The following NDUFAF6 variants were observed in gnomAD, a reference collection of about 807,000 sequenced individuals.
NDUFAF6 encodes NADH dehydrogenase (ubiquinone) complex I, assembly factor 6.
Under a neutral mutation model 40.8 loss-of-function variants are expected in NDUFAF6, and 45 were observed. That is an observed-to-expected ratio of 1.10 (90% CI 0.87 to 1.42). The LOEUF is 1.42. Among genes scored for constraint, NDUFAF6 ranks in the 40% most tolerant of loss-of-function variants. NDUFAF6 has a pLI of 0.00. For synonymous variants in NDUFAF6, 185 were observed against 155.9 expected (o/e 1.19, Z -1.39); for missense variants, 435 against 418.5 (o/e 1.04, Z -0.34).
chr8:95,095,617 C>G (rs986322953), upstream of NDUFAF6, among the ~76,000 whole-genome samples: 2 of 152,068 alleles, frequency 1.3e-5, no homozygotes, highest in African/African-American at 2.4e-5. Flanking sequence ...CACTCCACCC[C>G]CATTAGCCAA....
At chr8:95,059,175 C>A (rs2132009483), downstream of NDUFAF6, among the ~76,000 whole-genome samples, 1 of 152,266 alleles carries the variant, frequency 6.6e-6, no homozygotes, top group Admixed American at 6.5e-5. Flanking sequence ...CAGGATTATG[C>A]CAGTTTCCTT....
downstream of NDUFAF6, among the ~76,000 whole-genome samples, chr8:95,108,055 C>A (rs989402085): frequency 1.3e-5 from 2 of 152,192 alleles, no homozygotes; most frequent in African/African-American, 4.8e-5. Context: ...CGACAAAAAA[C>A]CAGTACATAA....
At chr8:95,005,526 A>AATATATATCTATATATAT (rs1826925048) in intron 2 of NDUFAF6, among the ~76,000 whole-genome samples, 1 of 7,278 alleles carries the variant, frequency 1.4e-4, no homozygotes, top group Admixed American at 1.8e-3. Context: ...GGTCCTTTTA[A>AATATATATCTATATATAT]ATATATATAT....
chr8:95,078,658 A>ATATATATATATATATAT (rs1434290595), downstream of NDUFAF6: 1 of 62,638 alleles, frequency 1.6e-5, no homozygotes, highest in African/African-American at 5.1e-5. Context: ...TTAAAAAAAA[A>ATATATATATATATATAT]AAAAATATAT....
intron 1 of NDUFAF6, among the ~76,000 whole-genome samples, chr8:94,978,622 G>A (rs1259449189): frequency 6.6e-6 from 1 of 152,066 alleles, no homozygotes; most frequent in African/African-American, 2.4e-5. Context: ...GCTGAGGTGG[G>A]AGGATCGCTT....
chr8:95,037,655 AC>A (rs1829659251), intron 3 of NDUFAF6, among the ~76,000 whole-genome samples: 1 of 152,240 alleles, frequency 6.6e-6, no homozygotes, highest in African/African-American at 2.4e-5. Flanking sequence ...CTCCATACAT[AC>A]ACCTTTGTCA....
At chr8:95,024,911 C>T, upstream of NDUFAF6, 2 of 1,096,068 alleles carry the variant, frequency 1.8e-6, no homozygotes, top group South Asian at 3.8e-5. Flanking sequence ...GGCTGCCTTC[C>T]CGCGACTCAA....
chr8:94,940,234 C>T (rs1231985832), intron 1 of NDUFAF6: 1 of 1,592,158 alleles, frequency 6.3e-7, no homozygotes, highest in South Asian at 1.1e-5. Context: ...GATCGTAGTC[C>T]ACATTGCAGT....
intron 4 of NDUFAF6, among the ~76,000 whole-genome samples, chr8:95,042,649 C>A (rs1052330104): frequency 2.0e-5 from 3 of 152,136 alleles, no homozygotes; most frequent in African/African-American, 7.2e-5. Flanking sequence ...TCCTAAAATT[C>A]ATATGGAAAT....
At chr8:94,947,352 TCA>T (rs1327719128) in intron 2 of NDUFAF6, among the ~76,000 whole-genome samples, 3 of 151,858 alleles carry the variant, frequency 2.0e-5, no homozygotes, top group South Asian at 4.2e-4. Context: ...TGTGGCTCCT[TCA>T]CAGTTTCAGG....
At chr8:94,924,292 C>T (rs1819712899) in intron 1 of NDUFAF6, among the ~76,000 whole-genome samples, 1 of 152,164 alleles carries the variant, frequency 6.6e-6, no homozygotes, top group Non-Finnish European at 1.5e-5. Context: ...TATCTCCTGA[C>T]CTTGTGATCT....
Position 94,904,057 on chromosome 8 carries a change from T to TG in NDUFAF6, c.-936+8133dup, listed in dbSNP as rs1818205221. On this transcript the variant is annotated intron_variant, in intron 1 of 14. Coordinates refer to the NDUFAF6 transcript ENST00000396113. ...GGTTCCTAAATCTAGGTCTGTGAACTGGGCCAAGCTGTCCTTCCAATCCCA... is the reference window on the plus strand; with the variant it reads ...GGTTCCTAAATCTAGGTCTGTGAACTGGGGCCAAGCTGTCCTTCCAATCCCA... Among the ~76,000 whole-genome samples the TG allele has an allele frequency of 2.6e-5, 4 of 152,324 alleles. No homozygotes were observed. The South Asian group carries it at 8.3e-4, about 32-fold the overall frequency.
At chr8:95,063,227 G>A (rs181853301), downstream of NDUFAF6, among the ~76,000 whole-genome samples, 1 of 152,330 alleles carries the variant, frequency 6.6e-6, no homozygotes, top group Admixed American at 6.5e-5. Context: ...CTTTAGATAA[G>A]CAGTGCCTTT....
chr8:94,980,553 C>G (rs1204966686), intron 1 of NDUFAF6, among the ~76,000 whole-genome samples: 17 of 142,504 alleles, frequency 1.2e-4, no homozygotes, highest in Non-Finnish European at 3.0e-5. Flanking sequence ...AAGCAATTCT[C>G]CAGCCTCAGC....
At chr8:94,954,898 G>C (rs558262980), upstream of NDUFAF6, among the ~76,000 whole-genome samples, 1 of 152,174 alleles carries the variant, frequency 6.6e-6, no homozygotes, top group South Asian at 2.1e-4. Flanking sequence ...TTATAACCTG[G>C]AACTAAATTG....
intron 2 of NDUFAF6, among the ~76,000 whole-genome samples, chr8:94,983,291 G>A (rs1287116140): frequency 3.0e-5 from 3 of 98,846 alleles, no homozygotes; most frequent in Non-Finnish European, 5.6e-5. Flanking sequence ...TTGAGACAGT[G>A]TCTCACTTTG....
intron 2 of NDUFAF6, chr8:94,950,769 A>G (rs1822533845): frequency 6.6e-6 from 1 of 152,178 alleles, no homozygotes; most frequent in African/African-American, 2.4e-5. Flanking sequence ...GTTTCTCCCT[A>G]GGAATCCATT....
chr8:94,964,065 G>T (rs115503548), intron 1 of NDUFAF6, among the ~76,000 whole-genome samples: 2,428 of 152,198 alleles, frequency 0.016, 69 homozygotes, highest in African/African-American at 0.056. Context: ...TCAGTCCCTG[G>T]TGCTGCTGTT....
At chr8:95,022,588 CAAA>C (rs77755094), upstream of NDUFAF6, among the ~76,000 whole-genome samples, 3 of 111,358 alleles carry the variant, frequency 2.7e-5, no homozygotes, top group Admixed American at 9.4e-5. Context: ...TTTACCCCTC[CAAA>C]AAAAAAAAAA....
Sources: gnomAD v4.1 joint callset for allele counts (sites outside exome capture counted in the v4.1 genomes callset) on GRCh38, gnomAD v4.1.1 for gene constraint, MANE v1.5 for transcripts, NCBI Gene and HGNC (gene_info 2026-07-23, HGNC 2026-07-21) for gene names.